The following SLC10A7 variants were observed in gnomAD, a reference collection of about 807,000 sequenced individuals.
SLC10A7 encodes the protein sodium/bile acid cotransporter 7.
A neutral mutation model predicts 43.2 loss-of-function variants in SLC10A7; 29 were observed. The ratio of observed to expected loss-of-function variants is 0.67; its 90% CI spans 0.50 to 0.92. The LOEUF is 0.92. SLC10A7 is among the 40% of genes least tolerant of loss of function. SLC10A7 has a pLI of 0.00. For synonymous variants in SLC10A7, 152 were observed against 144.8 expected (o/e 1.05, Z -0.35); for missense variants, 295 against 403.2 (o/e 0.73, Z 2.30).
At chr4:146,363,394 G>C (rs1341003256) in intron 5 of SLC10A7, among the ~76,000 whole-genome samples, 1 of 152,016 alleles carries the variant, frequency 6.6e-6, no homozygotes, top group Admixed American at 6.6e-5. Context: ...GAGAGAGAGA[G>C]ACCCAATACA....
chr4:146,409,238 C>CA (rs1023534010), intron 5 of SLC10A7, among the ~76,000 whole-genome samples: 15 of 142,334 alleles, frequency 1.1e-4, no homozygotes, highest in Non-Finnish European at 1.8e-4. Flanking sequence ...AAGCACACTC[C>CA]AAAAAAAATG....
At chr4:146,438,982 C>G (rs547985935) in intron 5 of SLC10A7, among the ~76,000 whole-genome samples, 1 of 152,104 alleles carries the variant, frequency 6.6e-6, no homozygotes, top group South Asian at 2.1e-4. Flanking sequence ...GGGTGCTCGA[C>G]TATCAAATTT....
intron 5 of SLC10A7, among the ~76,000 whole-genome samples, chr4:146,354,428 A>G (rs1206080748): frequency 1.3e-5 from 2 of 152,080 alleles, no homozygotes; most frequent in African/African-American, 4.8e-5. Flanking sequence ...GCTAATGGGT[A>G]GGAAGAATCA....
intron 5 of SLC10A7, among the ~76,000 whole-genome samples, chr4:146,363,604 C>A (rs1023857090): frequency 3.3e-5 from 5 of 152,018 alleles, no homozygotes; most frequent in African/African-American, 1.2e-4. Context: ...ATGTGGTAGG[C>A]CACAAACAAA....
At chr4:146,435,730 A>G (rs1325708545) in intron 5 of SLC10A7, among the ~76,000 whole-genome samples, 4 of 152,190 alleles carry the variant, frequency 2.6e-5, no homozygotes, top group African/African-American at 9.6e-5. Context: ...ACTAAAGACC[A>G]TAAACTAAGC....
intron 10 of SLC10A7, among the ~76,000 whole-genome samples, chr4:146,265,245 C>T (rs35420792): frequency 0.052 from 7,976 of 152,272 alleles, 302 homozygotes; most frequent in Non-Finnish European, 0.085. Context: ...TAATGGCCTA[C>T]GCTGGTATGC....
At chr4:146,391,867 C>G (rs1323532632) in intron 5 of SLC10A7, among the ~76,000 whole-genome samples, 1 of 152,168 alleles carries the variant, frequency 6.6e-6, no homozygotes, top group Non-Finnish European at 1.5e-5. Context: ...CACATTAAGG[C>G]AAAAGCCCAC....
At chr4:146,316,040 C>G (rs928882939) in intron 6 of SLC10A7, among the ~76,000 whole-genome samples, 1 of 152,052 alleles carries the variant, frequency 6.6e-6, no homozygotes, top group Non-Finnish European at 1.5e-5. Context: ...ATGTTAAAAT[C>G]TAGTGGACAC....
chr4:146,320,752 C>T (rs994268876), intron 6 of SLC10A7, among the ~76,000 whole-genome samples: 1 of 151,906 alleles, frequency 6.6e-6, no homozygotes, highest in African/African-American at 2.4e-5. Flanking sequence ...TTTTTTTGGA[C>T]TGATAGTGGC....
chr4:146,258,932 A>T, intron 10 of SLC10A7, 95 bp from the exon 11 acceptor site: 1 of 1,333,410 alleles, frequency 7.5e-7, no homozygotes, highest in East Asian at 2.6e-5. Context: ...GGAATAGGTT[A>T]TTACCATATT....
At chr4:146,355,807 C>T (rs1003765965) in intron 5 of SLC10A7, among the ~76,000 whole-genome samples, 33 of 137,226 alleles carry the variant, frequency 2.4e-4, no homozygotes, top group African/African-American at 8.8e-4. Flanking sequence ...CCAAACACCG[C>T]ATATTCTCAC....
At chr4:146,469,789 C>T (rs1733394713) in intron 4 of SLC10A7, among the ~76,000 whole-genome samples, 1 of 152,136 alleles carries the variant, frequency 6.6e-6, no homozygotes, top group Non-Finnish European at 1.5e-5. Flanking sequence ...CCACCATACC[C>T]GGCTATGTTT....
intron 5 of SLC10A7, among the ~76,000 whole-genome samples, chr4:146,327,159 T>C (rs908860154): frequency 6.6e-6 from 1 of 152,216 alleles, no homozygotes; most frequent in African/African-American, 2.4e-5. Flanking sequence ...AGGGACTGGC[T>C]TACCTTAAAT....
intron 4 of SLC10A7, among the ~76,000 whole-genome samples, chr4:146,474,988 A>G (rs1401267979): frequency 6.6e-6 from 1 of 152,156 alleles, no homozygotes; most frequent in Non-Finnish European, 1.5e-5. Context: ...TTTTCCAATG[A>G]AAACCATTTG....
intron 5 of SLC10A7, among the ~76,000 whole-genome samples, chr4:146,405,027 G>T (rs1727562412): frequency 2.0e-5 from 3 of 152,120 alleles, no homozygotes; most frequent in Admixed American, 2.0e-4. Context: ...AAGAAATCAT[G>T]TTTATCAGAA....
chr4:146,429,868 G>A (rs1024614988), intron 5 of SLC10A7, among the ~76,000 whole-genome samples: 1 of 151,742 alleles, frequency 6.6e-6, no homozygotes, highest in Admixed American at 6.6e-5. Flanking sequence ...TAAGTATAAA[G>A]GCAATGAAAA....
chr4:146,501,006 T>C (rs1432234938), intron 4 of SLC10A7, among the ~76,000 whole-genome samples: 3 of 152,254 alleles, frequency 2.0e-5, no homozygotes, highest in African/African-American at 7.2e-5. Context: ...CTGGCTTCCC[T>C]GACACAGTGC....
chr4:146,317,186 A>T (rs1173727430), intron 6 of SLC10A7, among the ~76,000 whole-genome samples: 1 of 152,154 alleles, frequency 6.6e-6, no homozygotes, highest in African/African-American at 2.4e-5. Flanking sequence ...GCATATAACA[A>T]GAAAACAGCA....
intron 5 of SLC10A7, among the ~76,000 whole-genome samples, chr4:146,355,694 G>T: frequency 6.6e-6 from 1 of 151,792 alleles, no homozygotes; most frequent in Non-Finnish European, 1.5e-5. Context: ...ATACACCATG[G>T]AATACCATGC....
Sources: gnomAD v4.1 joint callset for allele counts (sites outside exome capture counted in the v4.1 genomes callset) on GRCh38, gnomAD v4.1.1 for gene constraint, MANE v1.5 for transcripts, NCBI Gene and HGNC (gene_info 2026-07-23, HGNC 2026-07-21) for gene names.